SLC4A4: variants seen among roughly 807,000 people sequenced by gnomAD.
The protein encoded by SLC4A4 is solute carrier family 4 member 4.
A neutral mutation model predicts 111.5 loss-of-function variants in SLC4A4; 27 were observed. The ratio of observed to expected loss-of-function variants is 0.24; its 90% CI spans 0.18 to 0.33. The LOEUF (loss-of-function observed/expected upper bound fraction) is 0.33, where lower values mean the gene tolerates loss of function less well. Ranked by LOEUF, SLC4A4 falls within the 10% of genes least tolerant of loss-of-function variation. SLC4A4 has a pLI of 1.00. For synonymous variants in SLC4A4, 443 were observed against 463.4 expected, an observed-to-expected ratio of 0.96 and a Z score of 0.57; for missense variants, 909 against 1,315.5, an observed-to-expected ratio of 0.69 and a Z score of 4.78.
intron 1 of SLC4A4, among the ~76,000 whole-genome samples, chr4:71,208,452 A>ATATATC: frequency 6.7e-6 from 1 of 149,428 alleles, no homozygotes; most frequent in Admixed American, 6.7e-5. Flanking sequence ...AAATATATAT[A>ATATATC]TATATAATAA....
At chr4:71,200,265 G>T (rs992518071) in intron 1 of SLC4A4, among the ~76,000 whole-genome samples, 1 of 152,072 alleles carries the variant, frequency 6.6e-6, no homozygotes, top group South Asian at 2.1e-4. Flanking sequence ...TACAAGAGTG[G>T]CCTGTTTATC....
chr4:71,488,030 G>A (rs1012057360), intron 15 of SLC4A4, among the ~76,000 whole-genome samples: 1 of 151,372 alleles, frequency 6.6e-6, no homozygotes. Context: ...CAACTGGTCA[G>A]CCTATTGCCT....
intron 14 of SLC4A4, among the ~76,000 whole-genome samples, chr4:71,485,979 A>G (rs981309658): frequency 1.3e-5 from 2 of 151,528 alleles, no homozygotes; most frequent in Admixed American, 6.6e-5. Flanking sequence ...TTAAAGGTTT[A>G]TATAGGCAGG....
intron 2 of SLC4A4, among the ~76,000 whole-genome samples, chr4:71,158,328 G>A (rs1744532427): frequency 6.6e-6 from 1 of 152,014 alleles, no homozygotes; most frequent in Admixed American, 6.6e-5. Context: ...TGCTTACACT[G>A]GCAAGGAAAC....
intron 1 of SLC4A4, among the ~76,000 whole-genome samples, chr4:71,188,121 C>A (rs1430091567): frequency 6.6e-6 from 1 of 152,166 alleles, no homozygotes; most frequent in Non-Finnish European, 1.5e-5. Context: ...GTGCATTTTA[C>A]TCAGCCGTTG....
At chr4:71,184,110 T>C (rs1283577847), upstream of SLC4A4, among the ~76,000 whole-genome samples, 1 of 152,200 alleles carries the variant, frequency 6.6e-6, no homozygotes, top group East Asian at 1.9e-4. Context: ...TTTTATGTAA[T>C]GAGGAAACTT....
intron 1 of SLC4A4, among the ~76,000 whole-genome samples, chr4:71,071,653 A>T (rs1171281990): frequency 1.3e-5 from 2 of 152,182 alleles, no homozygotes; most frequent in South Asian, 2.1e-4. Flanking sequence ...TGTTTGTGTG[A>T]TTCTTTTTAA....
rs76414222 is a variant in SLC4A4, at chr4:71,340,394, A to G, written c.389+889A>G. Among the ~76,000 whole-genome samples, 1,024 of 152,292 alleles carry G rather than the reference A, an allele frequency of 6.7e-3. 10 individuals carry two copies. The highest frequency in any genetic ancestry group is 0.021 in the African/African-American group (876 of 41,552). ...GCCACACTTATATAACTGTTATTAC[A>G]GTATATTGTTGTATTTATTCTATTT... On this transcript the variant is annotated intron_variant, in intron 4 of 25. Transcript: ENST00000264485.
intron 3 of SLC4A4, among the ~76,000 whole-genome samples, chr4:71,308,209 C>T (rs768677613): frequency 6.6e-6 from 1 of 152,150 alleles, no homozygotes; most frequent in African/African-American, 2.4e-5. Context: ...TCATATACCA[C>T]ATTGTTCTGT....
chr4:71,472,305 T>C (rs1171182919), intron 13 of SLC4A4, among the ~76,000 whole-genome samples: 1 of 151,950 alleles, frequency 6.6e-6, no homozygotes, highest in Non-Finnish European at 1.5e-5. Flanking sequence ...GAAAATATAT[T>C]GATCTTCATG....
At position 71,451,324 on chromosome 4, in the gene SLC4A4, A is replaced by G. The variant is rs1398347604; in HGVS notation, c.1322+23A>G. Reference sequence around the variant, plus strand: ...ACGGTAACTGACAGTTTCCTTTGCCATTCATGATGAGGTTCTCCTTAAATG... The same window carrying G: ...ACGGTAACTGACAGTTTCCTTTGCCGTTCATGATGAGGTTCTCCTTAAATG... On this transcript the variant is annotated intron_variant, in intron 11 of 25. Coordinates refer to ENST00000264485, the MANE Select transcript of SLC4A4 (RefSeq NM_001098484.3). 6 of 1,393,668 alleles carry G rather than the reference A, an allele frequency of 4.3e-6. 1 individual carries two copies. In the Admixed American group the frequency reaches 5.0e-5, roughly 12 times the overall value. The allele number at this position is 1,393,668 out of a possible 1,614,324, so 86.3% of individuals were successfully genotyped here.
rs989570941 is a variant in SLC4A4, at chr4:71,460,883, T to TA, written c.1498-5555dup. Among the ~76,000 whole-genome samples, 19 of 152,250 alleles carry TA rather than the reference T, an allele frequency of 1.2e-4. 1 individual carries two copies. Among genetic ancestry groups the TA allele is most frequent in the African/African-American group, 4.6e-4 (19 of 41,576 alleles). On this transcript the variant is annotated intron_variant, in intron 12 of 25. Coordinates refer to ENST00000264485, the MANE Select transcript of SLC4A4 (RefSeq NM_001098484.3). ...AATAAAGAATCAGTATTTTTTTTAT[T>TA]AAAAAATCTTCTGAGATGACTCTCA... is the stretch of plus-strand genomic sequence containing the variant.
chr4:71,559,265 T>C (rs1354507322), intron 22 of SLC4A4, among the ~76,000 whole-genome samples: 1 of 151,874 alleles, frequency 6.6e-6, no homozygotes, highest in Non-Finnish European at 1.5e-5. Flanking sequence ...AGAATAAAGA[T>C]ATCTTTAATG....
intron 3 of SLC4A4, among the ~76,000 whole-genome samples, chr4:71,330,899 C>A (rs1012270327): frequency 5.9e-5 from 9 of 151,368 alleles, no homozygotes; most frequent in African/African-American, 2.2e-4. Flanking sequence ...AAAAAAACAA[C>A]CCCATCAAAA....
intron 3 of SLC4A4, among the ~76,000 whole-genome samples, chr4:71,280,953 CT>C (rs1001949552): frequency 2.0e-5 from 3 of 151,848 alleles, no homozygotes; most frequent in African/African-American, 7.3e-5. Flanking sequence ...ATGTTGCCCA[CT>C]TTTTTTTAGA....
chr4:71,163,973 T>C lies in SLC4A4; in HGVS notation c.-2+71181T>C, dbSNP rs145658332. Among the ~76,000 whole-genome samples, 629 of 152,326 alleles carry C rather than the reference T, an allele frequency of 4.1e-3. 7 individuals are homozygous for C. Among genetic ancestry groups the C allele is most frequent in the African/African-American group, 0.014 (589 of 41,584 alleles). Reference sequence around the variant, plus strand: ...GAAAAAAGGAAAAGCAGCCCGAGTGTGGTGGCTCACGCCTATAATCCCAGC... The same window carrying C: ...GAAAAAAGGAAAAGCAGCCCGAGTGCGGTGGCTCACGCCTATAATCCCAGC... On this transcript the variant is annotated intron_variant, in intron 2 of 26. Coordinates refer to the SLC4A4 transcript ENST00000649996.
rs769906270 is a variant in SLC4A4, at chr4:71,472,859, T to C, written c.1792T>C (p.Tyr598His). The change falls in exon 14 of 26, where the codon TAT becomes CAT. Residue 598 changes from tyrosine (Y) to histidine (H), a missense_variant. By Grantham distance (83) the Tyr-to-His change is moderately conservative. Transcript: ENST00000264485. The stretch of plus-strand genomic sequence containing the variant: ...CTCTCTGATTAGCTTCATCTTTATC[T>C]ATGATGCTTTCAAGAAGATGATCAA... The part of the protein sequence containing the change: ...FSSLISFIFI[Y>H]DAFKKMIKLA... The C allele has an allele frequency of 5.5e-5, 89 of 1,612,924 alleles. No homozygotes were observed. The highest frequency in any genetic ancestry group is 7.5e-5 in the Non-Finnish European group (89 of 1,179,318).
intron 15 of SLC4A4, among the ~76,000 whole-genome samples, chr4:71,495,707 G>T (rs1474530416): frequency 6.6e-6 from 1 of 152,102 alleles, no homozygotes; most frequent in African/African-American, 2.4e-5. Flanking sequence ...CATTGATGAT[G>T]TGTTTGGTGT....
At chr4:71,471,575 A>C (rs1295513500) in intron 13 of SLC4A4, among the ~76,000 whole-genome samples, 1 of 152,010 alleles carries the variant, frequency 6.6e-6, no homozygotes, top group Non-Finnish European at 1.5e-5. Flanking sequence ...AGTGTCAAGC[A>C]TGCACAATCC....
Sources: allele counts gnomAD v4.1 joint callset (sites outside exome capture counted in the v4.1 genomes callset), GRCh38; gene constraint gnomAD v4.1.1; transcripts MANE v1.5; gene names NCBI Gene and HGNC (gene_info 2026-07-23, HGNC 2026-07-21).